CLECL1: variants seen among roughly 807,000 people sequenced by gnomAD.
The protein encoded by CLECL1 is C-type lectin like 1.
downstream of CLECL1, among the ~76,000 whole-genome samples, chr12:9,710,911 T>C (rs1866194438): frequency 6.6e-6 from 1 of 152,154 alleles, no homozygotes; most frequent in Admixed American, 6.5e-5. Context: ...CTTGCACTCA[T>C]TCTCCAAGCC....
Position 9,732,719 on chromosome 12 carries a change from G to A in CLECL1, n.82+230C>T, listed in dbSNP as rs192812928. On this transcript the variant is annotated intron_variant and non_coding_transcript_variant, in intron 1 of 3. Coordinates refer to ENST00000621400, the Ensembl canonical transcript of CLECL1. ...ATCACGAGAAATCAAGAAATAGAAAGGCTATGAAAACAGAAGCAAAGTTCT... is the reference window on the plus strand; with the variant it reads ...ATCACGAGAAATCAAGAAATAGAAAAGCTATGAAAACAGAAGCAAAGTTCT... Among the ~76,000 whole-genome samples the A allele has an allele frequency of 5.4e-4, 82 of 152,228 alleles. No individual in the cohort carries two copies. In the Middle Eastern group the frequency reaches 0.01, roughly 19 times the overall value.
At chr12:9,705,148 T>G in the CLECL1 span, among the ~76,000 whole-genome samples, 654 of 152,358 alleles carry the variant, frequency 4.3e-3, 9 homozygotes, top group African/African-American at 0.015. Context: ...GATCTGCATT[T>G]CTCTAATGAT....
chr12:9,732,807 T>A (rs542697049), intron 1 of CLECL1, 142 bp downstream of exon 1: 7 of 613,960 alleles, frequency 1.1e-5, no homozygotes, highest in African/African-American at 3.7e-5. Flanking sequence ...TTAAAAACAT[T>A]CGCTCTTATT....
downstream of CLECL1, among the ~76,000 whole-genome samples, chr12:9,714,820 G>A (rs1248706864): frequency 1.3e-5 from 2 of 152,150 alleles, no homozygotes; most frequent in Non-Finnish European, 2.9e-5. Flanking sequence ...TAGAGACTGG[G>A]CTACATGCTT....
intron 3 of CLECL1, among the ~76,000 whole-genome samples, chr12:9,723,455 C>T (rs1210517948): frequency 5.8e-5 from 2 of 34,232 alleles, no homozygotes; most frequent in African/African-American, 3.0e-4. Context: ...CACACACACA[C>T]ACACGCACGC....
At chr12:9,716,771 G>T in exon 3 of CLECL1, 1 of 1,278,840 alleles carries the variant, frequency 7.8e-7, no homozygotes, top group Non-Finnish European at 1.0e-6. Context: ...AAAAAAGATT[G>T]GATTTCTAGA....
chr12:9,719,504 C>T (rs750456741), downstream of CLECL1, among the ~76,000 whole-genome samples: 29 of 152,060 alleles, frequency 1.9e-4, no homozygotes, highest in African/African-American at 5.3e-4. Flanking sequence ...CCAGCCTGGG[C>T]GAAAGAGCGA....
upstream of CLECL1, chr12:9,733,048 G>A (rs1866470055): frequency 1.2e-6 from 2 of 1,614,178 alleles, no homozygotes; most frequent in Non-Finnish European, 1.7e-6. Flanking sequence ...ATCAAAAAGA[G>A]AGAGAAGACC....
the CLECL1 span, among the ~76,000 whole-genome samples, chr12:9,710,362 C>G: frequency 6.6e-6 from 1 of 152,120 alleles, no homozygotes; most frequent in African/African-American, 2.4e-5. Context: ...CAAAAGAATG[C>G]CCCCTGTCAG....
At chr12:9,711,370 T>G (rs187231483), downstream of CLECL1, among the ~76,000 whole-genome samples, 2 of 152,338 alleles carry the variant, frequency 1.3e-5, no homozygotes, top group Non-Finnish European at 1.5e-5. Flanking sequence ...TTGCATTGGC[T>G]ACTTAATCTA....
chr12:9,707,023 C>T, the CLECL1 span, among the ~76,000 whole-genome samples: 1 of 152,158 alleles, frequency 6.6e-6, no homozygotes, highest in African/African-American at 2.4e-5. Flanking sequence ...ATTACTGGCT[C>T]AATTTCAGAA....
chr12:9,723,495 G>A (rs10466829), intron 3 of CLECL1, among the ~76,000 whole-genome samples: 83,360 of 151,802 alleles, frequency 0.55, 23,409 homozygotes, highest in African/African-American at 0.66. Flanking sequence ...ATTGAAGAGT[G>A]AACAAAGCCA....
downstream of CLECL1, chr12:9,718,734 T>C (rs1422453956): frequency 1.3e-5 from 9 of 701,290 alleles, no homozygotes; most frequent in Non-Finnish European, 2.1e-5. Flanking sequence ...GTACACACAT[T>C]GAAGAAATGC....
chr12:9,729,170 A>G (rs892449921), intron 2 of CLECL1, among the ~76,000 whole-genome samples: 11 of 152,112 alleles, frequency 7.2e-5, no homozygotes, highest in African/African-American at 2.7e-4. Flanking sequence ...TTTATTTTAG[A>G]CAAATTTCTC....
exon 1 of CLECL1, chr12:9,733,003 T>A: frequency 6.2e-7 from 1 of 1,614,138 alleles, no homozygotes; most frequent in Non-Finnish European, 8.5e-7. Flanking sequence ...ACAGTTTTGA[T>A]GTCAGCGTAG....
At chr12:9,703,639 C>T in the CLECL1 span, among the ~76,000 whole-genome samples, 1 of 152,112 alleles carries the variant, frequency 6.6e-6, no homozygotes, top group Non-Finnish European at 1.5e-5. Flanking sequence ...AAACAATCTA[C>T]CTGCCTTGGT....
At chr12:9,704,379 G>A in the CLECL1 span, among the ~76,000 whole-genome samples, 1 of 152,054 alleles carries the variant, frequency 6.6e-6, no homozygotes, top group African/African-American at 2.4e-5. Context: ...CATATAGAGA[G>A]GAATAGGGAT....
chr12:9,725,102 T>G (rs2121054472), intron 3 of CLECL1, among the ~76,000 whole-genome samples: 1 of 152,162 alleles, frequency 6.6e-6, no homozygotes, highest in Admixed American at 6.5e-5. Flanking sequence ...TGTGGCAAAT[T>G]TAAGGCATTT....
At chr12:9,712,403 C>T (rs749358113), downstream of CLECL1, among the ~76,000 whole-genome samples, 5 of 152,340 alleles carry the variant, frequency 3.3e-5, no homozygotes, top group East Asian at 9.6e-4. Context: ...ATGTACTCCT[C>T]CAAACTCACA....
Sources: gnomAD v4.1 joint callset for allele counts (sites outside exome capture counted in the v4.1 genomes callset) on GRCh38, gnomAD v4.1.1 for gene constraint, MANE v1.5 for transcripts, NCBI Gene and HGNC (gene_info 2026-07-23, HGNC 2026-07-21) for gene names.